CHD9: variants seen among roughly 807,000 people sequenced by gnomAD.
CHD9 encodes the protein ATP-dependent chromatin remodeler CHD9.
CHD9 carries 77 observed loss-of-function variants against 316.1 expected under a neutral mutation model. The observed-to-expected ratio is 0.24, with a 90% confidence interval of 0.20 to 0.29. The LOEUF (loss-of-function observed/expected upper bound fraction) is 0.29, where lower values mean the gene tolerates loss of function less well. CHD9 is among the 10% of genes least tolerant of loss of function. The pLI, the probability that CHD9 is intolerant of heterozygous loss-of-function variation, is 1.00. For synonymous variants in CHD9, 1,129 were observed against 1,158.3 expected (o/e 0.97, Z 0.51); for missense variants, 2,763 against 3,438.1 (o/e 0.80, Z 4.91).
At chr16:53,321,128 A>G (rs1444921110) in intron 37 of CHD9, 4 of 737,396 alleles carry the variant, frequency 5.4e-6, no homozygotes, top group Admixed American at 2.4e-5. Flanking sequence ...ATAAAACCCT[A>G]TGAGGGAAGT....
At chr16:53,133,791 C>T (rs2039512894) in intron 1 of CHD9, among the ~76,000 whole-genome samples, 1 of 152,184 alleles carries the variant, frequency 6.6e-6, no homozygotes, top group Non-Finnish European at 1.5e-5. Context: ...ACTTTAATTA[C>T]AAACTTCTTA....
At chr16:53,062,362 C>T (rs528656451) in intron 1 of CHD9, among the ~76,000 whole-genome samples, 112 of 152,166 alleles carry the variant, frequency 7.4e-4, no homozygotes, top group Non-Finnish European at 1.5e-3. Flanking sequence ...AGTAATATAA[C>T]GTTTCCCTTA....
At chr16:53,164,603 A>C (rs887424316) in intron 2 of CHD9, among the ~76,000 whole-genome samples, 2 of 150,652 alleles carry the variant, frequency 1.3e-5, no homozygotes, top group Non-Finnish European at 3.0e-5. Flanking sequence ...AACCATAACA[A>C]CAAAAAACTA....
chr16:53,306,519 GTGTT>G, intron 32 of CHD9, 122 bp downstream of exon 32: 3 of 736,102 alleles, frequency 4.1e-6, no homozygotes, highest in Non-Finnish European at 6.0e-6. Context: ...TGACATTTTG[GTGTT>G]AGCTCCAAAA....
rs577555794 is a variant in CHD9, at chr16:53,139,037, A to AT, written c.-164-16879dup. ...AAGTCTTTTTGAAAGGCTAGATGGA[A>AT]TTTTTTTTTTGAGGTAAAGGATCTA... On this transcript the variant is annotated intron_variant, in intron 1 of 38. Coordinates refer to ENST00000447540, the MANE Select transcript of CHD9 (RefSeq NM_001308319.2). Among the ~76,000 whole-genome samples, 172 of 150,132 alleles carry AT rather than the reference A, an allele frequency of 1.1e-3. 2 individuals carry two copies. In the South Asian group the frequency reaches 0.03, roughly 27 times the overall value.
intron 38 of CHD9, 81 bp from the exon 39 acceptor site, chr16:53,323,939 C>T: frequency 8.6e-7 from 1 of 1,166,794 alleles, no homozygotes; most frequent in Admixed American, 2.3e-5. Context: ...ACCTATTTTT[C>T]ATGGTTATTT....
At chr16:53,264,330 A>C (rs1293751095) in intron 20 of CHD9, among the ~76,000 whole-genome samples, 1 of 152,160 alleles carries the variant, frequency 6.6e-6, no homozygotes, top group African/African-American at 2.4e-5. Flanking sequence ...AATATAGTAC[A>C]GTGATACTCA....
chr16:53,164,695 C>A (rs562706072), intron 2 of CHD9, among the ~76,000 whole-genome samples: 1 of 151,756 alleles, frequency 6.6e-6, no homozygotes, highest in South Asian at 2.1e-4. Context: ...GCTCTGTCAC[C>A]CAGCCTGGAA....
At chr16:53,119,015 C>T (rs1265873273) in intron 1 of CHD9, among the ~76,000 whole-genome samples, 1 of 152,108 alleles carries the variant, frequency 6.6e-6, no homozygotes, top group Non-Finnish European at 1.5e-5. Context: ...TGGTCTCGAA[C>T]TCCTGACCTC....
At chr16:53,091,356 C>T (rs1413510355) in intron 1 of CHD9, among the ~76,000 whole-genome samples, 2 of 152,182 alleles carry the variant, frequency 1.3e-5, no homozygotes, top group African/African-American at 2.4e-5. Flanking sequence ...AAAAATGTGA[C>T]AGTAACAGGA....
chr16:53,084,743 AAAC>A (rs1387318303), intron 1 of CHD9, among the ~76,000 whole-genome samples: 3 of 152,212 alleles, frequency 2.0e-5, no homozygotes, highest in East Asian at 3.9e-4. Context: ...CTTCGTCTCA[AAAC>A]AACAACAGCA....
At chr16:53,151,167 CTTTCTT>C (rs1254669823) in intron 1 of CHD9, among the ~76,000 whole-genome samples, 61 of 150,900 alleles carry the variant, frequency 4.0e-4, no homozygotes, top group South Asian at 1.9e-3. Context: ...CTTCATTTTT[CTTTCTT>C]TTTCTTTTTC....
At chr16:53,241,853 T>C (rs575411272) in intron 12 of CHD9, among the ~76,000 whole-genome samples, 1 of 152,324 alleles carries the variant, frequency 6.6e-6, no homozygotes, top group East Asian at 1.9e-4. Flanking sequence ...AAAGGGACTT[T>C]TTAAAAATTT....
At chr16:53,144,023 G>C (rs2040363185) in intron 1 of CHD9, among the ~76,000 whole-genome samples, 1 of 152,032 alleles carries the variant, frequency 6.6e-6, no homozygotes, top group African/African-American at 2.4e-5. Flanking sequence ...CCTGAAGTGG[G>C]GGGAAAAATA....
At chr16:53,058,056 AGTTCAGT>A (rs538331499) in intron 1 of CHD9, among the ~76,000 whole-genome samples, 295 of 152,288 alleles carry the variant, frequency 1.9e-3, no homozygotes, top group African/African-American at 6.6e-3. Flanking sequence ...CAGTTGGCTG[AGTTCAGT>A]GTTAATGAAT....
At chr16:53,199,895 A>G (rs1475584114) in intron 2 of CHD9, among the ~76,000 whole-genome samples, 1 of 152,242 alleles carries the variant, frequency 6.6e-6, no homozygotes, top group Non-Finnish European at 1.5e-5. Context: ...AAGTTAGGAC[A>G]TTTTGAACAA....
At chr16:53,131,383 C>A (rs550884962) in intron 1 of CHD9, 4,603 of 145,180 alleles carry the variant, frequency 0.032, 95 homozygotes, top group Middle Eastern at 0.072. Context: ...GCGGCGCCCC[C>A]GCCTGAGGTG....
chr16:53,272,438 C>T (rs1340692680), intron 22 of CHD9, among the ~76,000 whole-genome samples: 3 of 151,788 alleles, frequency 2.0e-5, no homozygotes, highest in South Asian at 4.2e-4. Flanking sequence ...GGAGTACCCA[C>T]CTGTTATAAA....
chr16:53,293,027 G>T lies in CHD9; in HGVS notation c.5485G>T (p.Ala1829Ser). 1 of 1,613,304 alleles carries T rather than the reference G, an allele frequency of 6.2e-7. No individual in the cohort carries two copies. Among genetic ancestry groups the T allele is most frequent in the South Asian group, 1.1e-5 (1 of 90,984 alleles). Residue 1829 changes from alanine (A) to serine (S), a missense_variant, in exon 29 of 39, where the codon GCA becomes TCA. Around this residue, in one of 15 missense-constraint regions of CHD9, gnomAD observed 183 missense variants for 258.5 expected, o/e 0.71. Coordinates refer to ENST00000447540, the MANE Select transcript of CHD9 (RefSeq NM_001308319.2). ...YEEATLNPKM[A>S]AKIERQQRWT... ...GGAAGCCACTCTTAATCCTAAAATG[G>T]CAGCCAAGATAGAAAGACAGCAAAG...
Sources: allele counts gnomAD v4.1 joint callset (sites outside exome capture counted in the v4.1 genomes callset), GRCh38; gene constraint gnomAD v4.1.1; regional missense constraint gnomAD v4.1.1; transcripts MANE v1.5; gene names NCBI Gene and HGNC (gene_info 2026-07-23, HGNC 2026-07-21).